Variants in PIBF1 observed in about 807,000 individuals in gnomAD.
PIBF1 encodes the protein progesterone-induced-blocking factor 1.
In PIBF1, 90 loss-of-function variants were observed where a neutral mutation model predicts 112.5. The ratio of observed to expected loss-of-function variants is 0.80; its 90% CI spans 0.67 to 0.95. The LOEUF (loss-of-function observed/expected upper bound fraction) is 0.95, where lower values mean the gene tolerates loss of function less well. Ranked by LOEUF, PIBF1 falls within the 40% of genes least tolerant of loss-of-function variation. The pLI is 0.00. For missense variants in PIBF1, 915 were observed against 852.3 expected (o/e 1.07, Z -0.92); for synonymous variants, 301 against 288.6 (o/e 1.04, Z -0.44).
Position 72,835,967 on chromosome 13 carries a change from C to T in PIBF1, c.1223+599C>T, listed in dbSNP as rs567825601. 185 of 306,588 alleles carry T rather than the reference C, an allele frequency of 6.0e-4. 1 individual carries two copies. Among genetic ancestry groups the T allele is most frequent in the African/African-American group, 3.3e-3 (146 of 44,332 alleles). The allele number at this position is 306,588 out of a possible 1,614,324, so 19.0% of individuals were successfully genotyped here. On this transcript the variant is annotated intron_variant, in intron 9 of 17. Transcript: ENST00000326291. Reference sequence around the variant, plus strand: ...ACAAAAAATTAGCCAGGCATGGTGGCGGGCGCCTGTAATCCCAGCTACTCG... The same window carrying T: ...ACAAAAAATTAGCCAGGCATGGTGGTGGGCGCCTGTAATCCCAGCTACTCG...
At chr13:72,794,763 T>A (rs892531519) in intron 3 of PIBF1, among the ~76,000 whole-genome samples, 3 of 152,218 alleles carry the variant, frequency 2.0e-5, no homozygotes, top group African/African-American at 7.2e-5. Context: ...AGTAAACCTC[T>A]TTCCTTTATA....
At chr13:72,896,748 A>G (rs887870275) in intron 11 of PIBF1, among the ~76,000 whole-genome samples, 1 of 151,998 alleles carries the variant, frequency 6.6e-6, no homozygotes, top group Non-Finnish European at 1.5e-5. Flanking sequence ...AAAAAAGACA[A>G]AGAAAAAAGA....
At chr13:72,887,509 A>G (rs1245760685) in intron 10 of PIBF1, among the ~76,000 whole-genome samples, 2 of 152,004 alleles carry the variant, frequency 1.3e-5, no homozygotes, top group African/African-American at 2.4e-5. Context: ...GACCTATACC[A>G]TATACTAGCC....
At chr13:72,837,284 G>A (rs980744236) in intron 9 of PIBF1, among the ~76,000 whole-genome samples, 1 of 151,908 alleles carries the variant, frequency 6.6e-6, no homozygotes, top group African/African-American at 2.4e-5. Context: ...TTTACACTTA[G>A]TTTATATTTT....
chr13:72,789,539 C>A (rs1026304663), intron 2 of PIBF1, among the ~76,000 whole-genome samples: 2 of 152,060 alleles, frequency 1.3e-5, no homozygotes. Flanking sequence ...CATTAGAGAT[C>A]TGTGGGTTCC....
At chr13:72,983,022 T>C (rs1430722941) in intron 16 of PIBF1, among the ~76,000 whole-genome samples, 1 of 152,126 alleles carries the variant, frequency 6.6e-6, no homozygotes, top group African/African-American at 2.4e-5. Context: ...CATATATATT[T>C]GTGGAATATA....
intron 14 of PIBF1, among the ~76,000 whole-genome samples, chr13:72,951,793 C>T (rs1403932000): frequency 6.6e-6 from 1 of 152,152 alleles, no homozygotes; most frequent in Admixed American, 6.5e-5. Flanking sequence ...GTTCTGCCTC[C>T]CAGGCTCAAG....
At chr13:72,914,176 G>C (rs1279026739) in intron 12 of PIBF1, among the ~76,000 whole-genome samples, 1 of 152,010 alleles carries the variant, frequency 6.6e-6, no homozygotes, top group South Asian at 2.1e-4. Context: ...ATTTAATTCG[G>C]GTAATTTTAG....
At chr13:73,011,073 C>T (rs186766288) in intron 17 of PIBF1, among the ~76,000 whole-genome samples, 4 of 151,858 alleles carry the variant, frequency 2.6e-5, no homozygotes, top group Admixed American at 6.6e-5. Context: ...TGATCCCCCC[C>T]ACCTTGGCCT....
rs75827828 is a variant in PIBF1, at chr13:72,952,762, G to T, written c.1834-12512G>T. ...TAGTTGTAGAGAATCTTTGTGTGAT[G>T]GCTTTCTCAGATGCTGATGATAGTA... On this transcript the variant is annotated intron_variant, in intron 14 of 17. Transcript: ENST00000326291. Among the ~76,000 whole-genome samples the T allele has an allele frequency of 1.2e-3, 179 of 150,810 alleles. 4 individuals carry two copies. The East Asian group carries it at 0.033, about 28-fold the overall frequency.
intron 12 of PIBF1, among the ~76,000 whole-genome samples, chr13:72,912,945 A>G (rs2040943940): frequency 6.6e-6 from 1 of 151,784 alleles, no homozygotes; most frequent in African/African-American, 2.4e-5. Context: ...AGTATATAGT[A>G]TGATTATACT....
In PIBF1 at chr13:72,965,398, A is replaced by G; in HGVS notation, c.1958A>G (p.Asp653Gly). The change falls in exon 15 of 18, where the codon GAT becomes GGT. Residue 653 changes from aspartate (D) to glycine (G), a missense_variant. By Grantham distance (94) the Asp-to-Gly change is moderately conservative. Coordinates refer to ENST00000326291, the MANE Select transcript of PIBF1 (RefSeq NM_006346.4). ...GAATCTATTGCACAACTTGAGAAAG[A>G]TGTCAGGTAAACCATCTACAAATCT... ...LTESIAQLEK[D>G]VSNLNKEKSA... 6.2e-7 allele frequency: 1 copy of G among 1,606,800 alleles called. No homozygotes were observed. Among genetic ancestry groups the G allele is most frequent in the African/African-American group, 1.3e-5 (1 of 74,834 alleles).
At chr13:72,873,070 T>C (rs2039233524) in intron 10 of PIBF1, among the ~76,000 whole-genome samples, 1 of 152,158 alleles carries the variant, frequency 6.6e-6, no homozygotes, top group African/African-American at 2.4e-5. Flanking sequence ...TCAGCAGACT[T>C]TTTTTGTAGT....
chr13:72,878,487 G>A (rs2039496191), intron 10 of PIBF1, among the ~76,000 whole-genome samples: 1 of 152,016 alleles, frequency 6.6e-6, no homozygotes, highest in African/African-American at 2.4e-5. Flanking sequence ...TTACATTATG[G>A]TTTGAGAGTA....
At chr13:72,938,082 A>G (rs944511955) in intron 14 of PIBF1, among the ~76,000 whole-genome samples, 8 of 152,076 alleles carry the variant, frequency 5.3e-5, no homozygotes, top group Non-Finnish European at 7.4e-5. Context: ...TTGTTTTTAC[A>G]TTTCTGACTA....
At chr13:72,891,540 A>G (rs998898282) in intron 10 of PIBF1, among the ~76,000 whole-genome samples, 3 of 152,078 alleles carry the variant, frequency 2.0e-5, no homozygotes, top group African/African-American at 7.2e-5. Flanking sequence ...AGAATGCATA[A>G]TCAAAAGGCA....
chr13:72,928,036 T>TACATATATAC lies in PIBF1; in HGVS notation c.1731-3128_1731-3127insCATATATACA, dbSNP rs1324470736. On this transcript the variant is annotated intron_variant, in intron 13 of 17. Transcript: ENST00000326291. ...ATATACATATATATACATATATATA[T>TACATATATAC]ATATATATACATATATATATGAGGA... Among the ~76,000 whole-genome samples the TACATATATAC allele has an allele frequency of 1.4e-3, 187 of 137,798 alleles. 1 individual carries two copies. Among genetic ancestry groups the TACATATATAC allele is most frequent in the African/African-American group, 4.3e-3 (153 of 35,480 alleles). 90.4% of individuals were successfully genotyped at this position (137,798 alleles called of 152,430 possible).
chr13:72,896,081 G>A (rs565085779), intron 11 of PIBF1, among the ~76,000 whole-genome samples: 3 of 152,220 alleles, frequency 2.0e-5, no homozygotes, highest in African/African-American at 7.2e-5. Flanking sequence ...ACCAGAATAG[G>A]TGCTGGTATC....
intron 5 of PIBF1, among the ~76,000 whole-genome samples, chr13:72,803,538 G>A (rs1277833241): frequency 7.9e-5 from 12 of 152,088 alleles, no homozygotes; most frequent in Admixed American, 7.9e-4. Context: ...TAGAACAGAG[G>A]GGTGTTTGTT....
Sources: gnomAD v4.1 joint callset for allele counts (sites outside exome capture counted in the v4.1 genomes callset) on GRCh38, gnomAD v4.1.1 for gene constraint, MANE v1.5 for transcripts, NCBI Gene and HGNC (gene_info 2026-07-23, HGNC 2026-07-21) for gene names.